The following PRKCH variants were observed in gnomAD, a reference collection of about 807,000 sequenced individuals.
PRKCH encodes protein kinase C eta, also known as protein kinase C eta type.
Under a neutral mutation model 82.5 loss-of-function variants are expected in PRKCH, and 28 were observed. The observed-to-expected ratio is 0.34, with a 90% CI of 0.25 to 0.47. The LOEUF (loss-of-function observed/expected upper bound fraction) is 0.47, where lower values mean the gene tolerates loss of function less well. Among genes scored for constraint, PRKCH ranks in the 20% least tolerant of loss-of-function variants. PRKCH has a pLI of 1.00. For synonymous variants in PRKCH, 322 were observed against 327.4 expected, an observed-to-expected ratio of 0.98 and a Z score of 0.18; for missense variants, 705 against 881.8, an observed-to-expected ratio of 0.80 and a Z score of 2.54.
At chr14:61,468,252 C>G (rs1212898842) in intron 9 of PRKCH, among the ~76,000 whole-genome samples, 2 of 152,166 alleles carry the variant, frequency 1.3e-5, no homozygotes, top group East Asian at 3.8e-4. Flanking sequence ...TGCAGTTTGC[C>G]TTTGGCTCAG....
chr14:61,350,040 G>C (rs117909515), intron 1 of PRKCH, among the ~76,000 whole-genome samples: 1 of 152,148 alleles, frequency 6.6e-6, no homozygotes, highest in Non-Finnish European at 1.5e-5. Context: ...TATGACAAGA[G>C]TATGTTTTAA....
intron 1 of PRKCH, among the ~76,000 whole-genome samples, chr14:61,269,432 G>A (rs2045132724): frequency 6.6e-6 from 1 of 152,044 alleles, no homozygotes; most frequent in African/African-American, 2.4e-5. Flanking sequence ...TCACGTTATG[G>A]GGTTTGTTGT....
intron 1 of PRKCH, among the ~76,000 whole-genome samples, chr14:61,370,047 G>T (rs570083442): frequency 6.6e-6 from 1 of 151,848 alleles, no homozygotes; most frequent in Non-Finnish European, 1.5e-5. Flanking sequence ...AGGTTCAAGC[G>T]ATTCTCCTGT....
chr14:61,347,716 A>C (rs1371045056), intron 1 of PRKCH, among the ~76,000 whole-genome samples: 1 of 152,196 alleles, frequency 6.6e-6, no homozygotes, highest in African/African-American at 2.4e-5. Flanking sequence ...ACTAAAGCCT[A>C]ATATAACTAG....
chr14:61,533,007 G>A (rs994987977), intron 12 of PRKCH, among the ~76,000 whole-genome samples: 5 of 152,170 alleles, frequency 3.3e-5, no homozygotes, highest in Admixed American at 6.5e-5. Context: ...CTTCCACATA[G>A]GAAGGAGCAG....
chr14:61,283,050 T>TGA (rs57424693), intron 1 of PRKCH, among the ~76,000 whole-genome samples: 6 of 152,082 alleles, frequency 3.9e-5, no homozygotes, highest in African/African-American at 7.2e-5. Flanking sequence ...TTTTTTTTTT[T>TGA]GAGAGAGAGG....
At chr14:61,354,489 T>C (rs377206886) in intron 1 of PRKCH, among the ~76,000 whole-genome samples, 5 of 152,072 alleles carry the variant, frequency 3.3e-5, no homozygotes, top group Non-Finnish European at 5.9e-5. Context: ...TTTTCCTTTT[T>C]TTCCCCCTAT....
rs561939126 is a variant in PRKCH at position 61,274,087 on chromosome 14, G to A, written c.-19+86419G>A. Among the ~76,000 whole-genome samples the A allele has an allele frequency of 2.6e-5, 4 of 152,314 alleles. No homozygotes were observed. The South Asian group carries it at 8.3e-4, about 32-fold the overall frequency. ...AGAAATGGAATAAGTACTAAGAGAG[G>A]ATGAGGGTTAAGGATAGGGCATGGG... On this transcript the variant is annotated intron_variant, in intron 1 of 3. Coordinates refer to the PRKCH transcript ENST00000555185.
In PRKCH at chr14:61,550,221, C is replaced by T; in HGVS notation, c.*390C>T. The T allele has an allele frequency of 6.1e-6, 1 of 164,064 alleles. No individual in the cohort carries two copies. The highest frequency in any genetic ancestry group is 1.8e-4 in the South Asian group (1 of 5,486). The allele number at this position is 164,064 out of a possible 1,614,324, so 10.2% of individuals were successfully genotyped here. ...AAGACGTTCTGTCAACTGTGCTGTG[C>T]TCTTCTTTAAGCCAATGAACCCCAA... is the stretch of plus-strand genomic sequence containing the variant. On this transcript the variant is annotated 3_prime_UTR_variant, in exon 14 of 14. Transcript: ENST00000332981.
intron 1 of PRKCH, among the ~76,000 whole-genome samples, chr14:61,270,644 C>G (rs2045143287): frequency 6.6e-6 from 1 of 152,136 alleles, no homozygotes; most frequent in African/African-American, 2.4e-5. Context: ...TTACTTGAGT[C>G]TATAGAAGCA....
intron 10 of PRKCH, among the ~76,000 whole-genome samples, chr14:61,500,002 G>A (rs1886832176): frequency 6.6e-6 from 1 of 150,612 alleles, no homozygotes. Context: ...CCTGATAGTC[G>A]CTCGTTCTGG....
At chr14:61,393,363 A>G (rs1035229271) in intron 2 of PRKCH, among the ~76,000 whole-genome samples, 1 of 152,224 alleles carries the variant, frequency 6.6e-6, no homozygotes. Context: ...GAGGGGAATT[A>G]ACATCTTAAC....
intron 1 of PRKCH, among the ~76,000 whole-genome samples, chr14:61,198,185 G>T (rs1446114072): frequency 6.6e-6 from 1 of 151,898 alleles, no homozygotes; most frequent in Non-Finnish European, 1.5e-5. Context: ...TAAGGGCAAT[G>T]CTTTTTATTT....
rs567444632 is a variant in PRKCH, at chr14:61,420,397, G to C, written c.428-22714G>C. 2.1e-3 allele frequency among the ~76,000 whole-genome samples: 315 copies of C among 152,206 alleles called. 2 individuals are homozygous for C. Among genetic ancestry groups the C allele is most frequent in the Non-Finnish European group, 2.0e-3 (137 of 68,020 alleles). ...CAGACAGAAACTGTACCTCATTTAT[G>C]TGGGCATCAGTATAAACAAGAACAA... On this transcript the variant is annotated intron_variant, in intron 2 of 13. Coordinates refer to ENST00000332981, the MANE Select transcript of PRKCH (RefSeq NM_006255.5).
chr14:61,203,049 A>T (rs1217232247), intron 1 of PRKCH, among the ~76,000 whole-genome samples: 2 of 152,018 alleles, frequency 1.3e-5, no homozygotes, highest in Admixed American at 6.6e-5. Flanking sequence ...TGATTTTTTT[A>T]AAATCCCTGA....
chr14:61,415,795 A>G (rs1882516989), intron 2 of PRKCH, among the ~76,000 whole-genome samples: 1 of 152,202 alleles, frequency 6.6e-6, no homozygotes, highest in African/African-American at 2.4e-5. Flanking sequence ...AATTCTTTTC[A>G]TATTGCAAAA....
intron 2 of PRKCH, among the ~76,000 whole-genome samples, chr14:61,405,538 C>A (rs374978472): frequency 5.9e-5 from 9 of 152,154 alleles, no homozygotes; most frequent in Non-Finnish European, 1.3e-4. Flanking sequence ...GCACCACGCC[C>A]AGCTAATTTT....
chr14:61,190,866 CTATT>C (rs1384100254), intron 1 of PRKCH, among the ~76,000 whole-genome samples: 1 of 152,140 alleles, frequency 6.6e-6, no homozygotes, highest in African/African-American at 2.4e-5. Context: ...CAGTTACTTG[CTATT>C]TACTTTACCT....
At chr14:61,399,792 C>T (rs12887002) in intron 2 of PRKCH, among the ~76,000 whole-genome samples, 37,573 of 151,902 alleles carry the variant, frequency 0.25, 5,010 homozygotes, top group South Asian at 0.38. Context: ...CCAAGGCAAA[C>T]ATAAAGGTAT....
Sources: gnomAD v4.1 joint callset for allele counts (sites outside exome capture counted in the v4.1 genomes callset) on GRCh38, gnomAD v4.1.1 for gene constraint, MANE v1.5 for transcripts, NCBI Gene and HGNC (gene_info 2026-07-23, HGNC 2026-07-21) for gene names.